CSDC2: variants seen among roughly 807,000 people sequenced by gnomAD.
CSDC2 encodes the protein cold shock domain-containing protein C2.
CSDC2 carries 8 observed loss-of-function variants against 15.8 expected under a neutral mutation model. That is an observed-to-expected ratio of 0.51 (90% CI 0.30 to 0.92). The LOEUF is 0.92. CSDC2 is among the 40% of genes least tolerant of loss of function. The pLI, the probability that CSDC2 is intolerant of heterozygous loss-of-function variation, is 0.07. For missense variants in CSDC2, 195 were observed against 213.3 expected, an observed-to-expected ratio of 0.91 and a Z score of 0.53; for synonymous variants, 96 against 92.3, an observed-to-expected ratio of 1.04 and a Z score of -0.23.
chr22:41,566,855 A>G (rs1420583416), intron 1 of CSDC2, among the ~76,000 whole-genome samples: 3 of 148,408 alleles, frequency 2.0e-5, no homozygotes, highest in Admixed American at 6.9e-5. Context: ...TGAACCCGGG[A>G]GGCGGAGCTT....
intron 1 of CSDC2, among the ~76,000 whole-genome samples, chr22:41,562,959 G>A (rs1020847209): frequency 1.3e-5 from 2 of 152,030 alleles, no homozygotes; most frequent in Non-Finnish European, 2.9e-5. Context: ...AAAGTGACTT[G>A]CCTAGGGTCG....
rs751263527 is a variant in CSDC2 at position 41,572,022 on chromosome 22, C to T, written c.57C>T (p.Ser19=). Residue 19 remains serine (S), a synonymous_variant, in exon 2 of 4, where the codon TCC becomes TCT. Coordinates refer to ENST00000306149, the MANE Select transcript of CSDC2 (RefSeq NM_014460.4). Reference sequence around the variant, plus strand: ...TGCCCCCGCTCCACTCCCCCAAGTCCCCAGTCTGGCCCACCTTCCCCTTCC... The same window carrying T: ...TGCCCCCGCTCCACTCCCCCAAGTCTCCAGTCTGGCCCACCTTCCCCTTCC... The part of the protein sequence containing the change: ...PVVPPLHSPK[S]PVWPTFPFHR... 7.3e-7 allele frequency: 1 copy of T among 1,361,486 alleles called. No individual in the cohort carries two copies. Among genetic ancestry groups the T allele is most frequent in the South Asian group, 2.0e-5 (1 of 50,190 alleles). The allele number at this position is 1,361,486 out of a possible 1,614,324, so 84.3% of individuals were successfully genotyped here.
intron 1 of CSDC2, among the ~76,000 whole-genome samples, chr22:41,570,841 T>C (rs902395440): frequency 1.2e-4 from 17 of 137,796 alleles, no homozygotes; most frequent in Non-Finnish European, 2.4e-4. Context: ...AAAAAAAAAA[T>C]TAGCTAGGTG....
intron 1 of CSDC2, among the ~76,000 whole-genome samples, chr22:41,571,320 C>T (rs1023575045): frequency 1.3e-5 from 2 of 152,186 alleles, no homozygotes; most frequent in Non-Finnish European, 2.9e-5. Context: ...TGCCAATGCA[C>T]TCCAGCCTGG....
rs2067146842 is a variant in CSDC2 at position 41,571,881 on chromosome 22, G to A, written c.-85G>A. 3.2e-6 allele frequency: 3 copies of A among 941,560 alleles called. No homozygotes were observed. Among genetic ancestry groups the A allele is most frequent in the African/African-American group, 3.5e-5 (2 of 57,916 alleles). The allele number at this position is 941,560 out of a possible 1,614,324, so 58.3% of individuals were successfully genotyped here. On this transcript the variant is annotated 5_prime_UTR_variant, in exon 2 of 4. Coordinates refer to ENST00000306149, the MANE Select transcript of CSDC2 (RefSeq NM_014460.4). ...CTGGTGAGGCCGCAGAGCAGGGCCA[G>A]GCCGGGCCCTGCCCGCAAGGACGAC...
intron 1 of CSDC2, among the ~76,000 whole-genome samples, chr22:41,564,926 G>A (rs2067106121): frequency 6.6e-6 from 1 of 152,150 alleles, no homozygotes; most frequent in African/African-American, 2.4e-5. Context: ...CCAGCACTTT[G>A]GGAGGCCAAG....
chr22:41,565,477 T>C (rs970521923), intron 1 of CSDC2, among the ~76,000 whole-genome samples: 30 of 145,162 alleles, frequency 2.1e-4, no homozygotes, highest in African/African-American at 7.2e-4. Flanking sequence ...AAAAGAGGAC[T>C]ATGGCCAGGC....
intron 1 of CSDC2, among the ~76,000 whole-genome samples, chr22:41,568,203 C>T (rs2067126716): frequency 7.7e-6 from 1 of 129,824 alleles, no homozygotes; most frequent in Non-Finnish European, 1.5e-5. Context: ...CCACTCACTG[C>T]AGCCTTGACC....
At chr22:41,570,325 G>A (rs1028458314) in intron 1 of CSDC2, among the ~76,000 whole-genome samples, 22 of 152,152 alleles carry the variant, frequency 1.4e-4, no homozygotes, top group Non-Finnish European at 2.6e-4. Flanking sequence ...CCCTAGGCAT[G>A]GCAGAGCCAG....
intron 2 of CSDC2, 120 bp from the exon 3 acceptor site, chr22:41,573,535 G>A (rs1277032737): frequency 6.6e-6 from 8 of 1,211,580 alleles, no homozygotes; most frequent in Non-Finnish European, 9.2e-6. Context: ...GTGGTTTCTG[G>A]CCTGGGTCAA....
rs372256458 is a variant in CSDC2, at chr22:41,574,793, C to A, written c.360C>A (p.Ile120=). 1 of 1,613,874 alleles carries A rather than the reference C, an allele frequency of 6.2e-7. No homozygotes were observed. The highest frequency in any genetic ancestry group is 8.5e-7 in the Non-Finnish European group (1 of 1,180,018). Reference sequence around the variant, plus strand: ...AGGTGACCTACAAGATGTGCCCTATCCCTCCCAAGAACCAGAAGTTCCAGG... The same window carrying A: ...AGGTGACCTACAAGATGTGCCCTATACCTCCCAAGAACCAGAAGTTCCAGG... ...GDEVTYKMCP[I]PPKNQKFQAV... is the part of the protein sequence containing the mutation. The change falls in exon 4 of 4, where the codon ATC becomes ATA. Residue 120 remains isoleucine, a synonymous_variant. Transcript: ENST00000306149.
chr22:41,572,315 C>CCCATCCAT (rs768020765), intron 2 of CSDC2, among the ~76,000 whole-genome samples, 174 bp downstream of exon 2: 10 of 120,286 alleles, frequency 8.3e-5, no homozygotes, highest in African/African-American at 3.5e-4. Context: ...CACCCATCCA[C>CCCATCCAT]CCATCCATCC....
In CSDC2 at chr22:41,571,917, A is replaced by T; in HGVS notation, c.-49A>T. ...GCCCGCAAGGACGACCAAACCCCTC[A>T]CCGGCCCCTGGGCCCCAGAGCCCAC... On this transcript the variant is annotated 5_prime_UTR_variant, in exon 2 of 4. Transcript: ENST00000306149. 1 of 1,242,466 alleles carries T rather than the reference A, an allele frequency of 8.0e-7. No homozygotes were observed. Among genetic ancestry groups the T allele is most frequent in the Non-Finnish European group, 1.0e-6 (1 of 966,104 alleles). 77.0% of individuals were successfully genotyped at this position (1,242,466 alleles called of 1,614,324 possible).
chr22:41,569,872 C>T (rs1054742537), intron 1 of CSDC2, among the ~76,000 whole-genome samples: 8 of 150,496 alleles, frequency 5.3e-5, no homozygotes, highest in East Asian at 1.9e-4. Context: ...CTCTGCCTCC[C>T]GGGTTGAAGC....
In CSDC2 at chr22:41,568,898, C is replaced by T. The variant is rs957445878; in HGVS notation, c.-123-2945C>T. Among the ~76,000 whole-genome samples the T allele has an allele frequency of 2.0e-5, 3 of 152,254 alleles. No individual in the cohort carries two copies. The East Asian group carries it at 5.8e-4, about 29-fold the overall frequency. On this transcript the variant is annotated intron_variant, in intron 1 of 3. Transcript: ENST00000306149. ...GCCCACTTAGCATGAGGCCCTGGAG[C>T]CGCACAGTCACTTGGGTGGGAGGTC...
intron 1 of CSDC2, among the ~76,000 whole-genome samples, chr22:41,563,501 G>C (rs1437123849): frequency 6.6e-6 from 1 of 152,066 alleles, no homozygotes; most frequent in Non-Finnish European, 1.5e-5. Flanking sequence ...ATTTTTATTG[G>C]GGGAGTTGTT....
chr22:41,568,290 A>G (rs1409572917), intron 1 of CSDC2, among the ~76,000 whole-genome samples: 1 of 150,648 alleles, frequency 6.6e-6, no homozygotes, highest in African/African-American at 2.4e-5. Flanking sequence ...ACACCCAGCT[A>G]ATTTTTTTTT....
At position 41,574,919 on chromosome 22, in the gene CSDC2, G is replaced by T; in HGVS notation, c.*24G>T. 1 of 1,563,136 alleles carries T rather than the reference G, an allele frequency of 6.4e-7. No individual in the cohort carries two copies. The highest frequency in any genetic ancestry group is 8.7e-7 in the Non-Finnish European group (1 of 1,154,252). On this transcript the variant is annotated 3_prime_UTR_variant, in exon 4 of 4. Coordinates refer to ENST00000306149, the MANE Select transcript of CSDC2 (RefSeq NM_014460.4). ...AGGCTGAGTGGTTCACAGGCCAGCT[G>T]GCCGGGGGTTGGGGAGCCACACAGG...
intron 1 of CSDC2, among the ~76,000 whole-genome samples, chr22:41,568,456 T>G (rs1338104766): frequency 6.6e-6 from 1 of 152,180 alleles, no homozygotes; most frequent in Non-Finnish European, 1.5e-5. Flanking sequence ...AGCTAATTTT[T>G]GTAATTTTTA....
Sources: allele counts gnomAD v4.1 joint callset (sites outside exome capture counted in the v4.1 genomes callset), GRCh38; gene constraint gnomAD v4.1.1; transcripts MANE v1.5; gene names NCBI Gene and HGNC (gene_info 2026-07-23, HGNC 2026-07-21).